Variants in ZDHHC21 observed in about 807,000 individuals in gnomAD.
ZDHHC21 encodes zDHHC palmitoyltransferase 21.
A neutral mutation model predicts 34.6 loss-of-function variants in ZDHHC21; 15 were observed. The observed-to-expected ratio is 0.43, with a 90% CI of 0.29 to 0.67. The LOEUF (loss-of-function observed/expected upper bound fraction) is 0.67. Ranked by LOEUF, ZDHHC21 falls within the 30% of genes least tolerant of loss-of-function variation. ZDHHC21 has a pLI of 0.14. For synonymous variants in ZDHHC21, 142 were observed against 101.8 expected (o/e 1.40, Z -2.38); for missense variants, 344 against 327.7 (o/e 1.05, Z -0.38).
chr9:14,660,589 A>T (rs1833208663), intron 6 of ZDHHC21, among the ~76,000 whole-genome samples: 1 of 152,102 alleles, frequency 6.6e-6, no homozygotes. Context: ...TTCAATGATA[A>T]AAATTCCTGA....
Position 14,665,250 on chromosome 9 carries a change from A to G in ZDHHC21, c.254-2924T>C, listed in dbSNP as rs538731640. Reference sequence around the variant, plus strand: ...ATCAACTGGAAGAAAGGGTATCAGCAATGGAAGATGAAATGAATGAAATGA... The same window carrying G: ...ATCAACTGGAAGAAAGGGTATCAGCGATGGAAGATGAAATGAATGAAATGA... On this transcript the variant is annotated intron_variant, in intron 5 of 9. Transcript: ENST00000380916. Among the ~76,000 whole-genome samples the G allele has an allele frequency of 7.8e-4, 93 of 119,896 alleles. 2 individuals are homozygous for G. Among genetic ancestry groups the G allele is most frequent in the African/African-American group, 1.2e-3 (39 of 32,282 alleles). 78.7% of individuals were successfully genotyped at this position (119,896 alleles called of 152,430 possible). A position where few individuals can be genotyped will look rare whatever the true frequency, so the allele number is the denominator to read the frequency against.
rs75077920 is a variant in ZDHHC21 at position 14,655,061 on chromosome 9, T to C, written c.504+3688A>G. 5.4e-3 allele frequency among the ~76,000 whole-genome samples: 822 copies of C among 152,030 alleles called. 7 individuals are homozygous for C. Among genetic ancestry groups the C allele is most frequent in the African/African-American group, 0.018 (768 of 41,522 alleles). ...AAGAAAACAATACCAAAGCACATCATAGAATCACAGAATAATTGCTAAAAT... is the reference window on the plus strand; with the variant it reads ...AAGAAAACAATACCAAAGCACATCACAGAATCACAGAATAATTGCTAAAAT... On this transcript the variant is annotated intron_variant, in intron 7 of 9. Coordinates refer to ENST00000380916, the MANE Select transcript of ZDHHC21 (RefSeq NM_178566.6).
chr9:14,653,839 C>T (rs1312770545), intron 7 of ZDHHC21, among the ~76,000 whole-genome samples: 4 of 151,950 alleles, frequency 2.6e-5, no homozygotes, highest in Admixed American at 1.3e-4. Flanking sequence ...TATGAGGAAA[C>T]AGTTCGTATG....
chr9:14,622,537 A>G, intron 8 of ZDHHC21: 1 of 985,316 alleles, frequency 1.0e-6, no homozygotes, highest in Non-Finnish European at 1.2e-6. Context: ...CCTGGTTAAC[A>G]GACCTGAGAA....
chr9:14,690,871 T>C (rs928588498), intron 1 of ZDHHC21, among the ~76,000 whole-genome samples: 1 of 152,220 alleles, frequency 6.6e-6, no homozygotes, highest in Non-Finnish European at 1.5e-5. Context: ...ATAAGAGTTA[T>C]TTAAGCACTG....
At chr9:14,641,236 TATTC>T (rs1429400825) in intron 7 of ZDHHC21, among the ~76,000 whole-genome samples, 4 of 152,132 alleles carry the variant, frequency 2.6e-5, no homozygotes, top group Admixed American at 2.0e-4. Context: ...CCACATTACT[TATTC>T]ATTAGCCTGG....
chr9:14,611,070 C>T (rs1293372726), downstream of ZDHHC21: 6 of 151,634 alleles, frequency 4.0e-5, no homozygotes, highest in Non-Finnish European at 8.8e-5. Context: ...AAAAACAGTC[C>T]TACGTTTTTA....
intron 5 of ZDHHC21, among the ~76,000 whole-genome samples, chr9:14,670,131 A>C (rs184803206): frequency 6.6e-6 from 1 of 152,158 alleles, no homozygotes; most frequent in East Asian, 1.9e-4. Flanking sequence ...AAGGCGATAT[A>C]AAAATTTGTT....
chr9:14,686,168 T>A (rs561093724), intron 2 of ZDHHC21, among the ~76,000 whole-genome samples: 1 of 151,734 alleles, frequency 6.6e-6, no homozygotes, highest in South Asian at 2.1e-4. Flanking sequence ...CAAACCTGCA[T>A]GTTGTGCACA....
chr9:14,617,240 CT>C lies in ZDHHC21; in HGVS notation c.*1725del, dbSNP rs1824366057. 6.6e-6 allele frequency: 1 copy of C among 151,980 alleles called. No individual in the cohort carries two copies. Among genetic ancestry groups the C allele is most frequent in the South Asian group, 2.1e-4 (1 of 4,822 alleles). The allele number at this position is 151,980 out of a possible 1,614,324, so 9.4% of individuals were successfully genotyped here. A position where few individuals can be genotyped will look rare whatever the true frequency, so the allele number is the denominator to read the frequency against. On this transcript the variant is annotated 3_prime_UTR_variant, in exon 10 of 10. Transcript: ENST00000380916. Reference sequence around the variant, plus strand: ...ACTAAGCTTTATAAATATATTTCTTCTATTTAATTTACTACGTCTCTTTTCA... The same window carrying C: ...ACTAAGCTTTATAAATATATTTCTTCATTTAATTTACTACGTCTCTTTTCA...
intron 8 of ZDHHC21, among the ~76,000 whole-genome samples, chr9:14,636,493 C>A (rs1247587589): frequency 6.6e-6 from 1 of 152,084 alleles, no homozygotes; most frequent in Non-Finnish European, 1.5e-5. Flanking sequence ...CAGCATTAGA[C>A]AGATCTAGTA....
chr9:14,617,490 A>G lies in ZDHHC21; in HGVS notation c.*1476T>C, dbSNP rs1213374741. 1 of 151,994 alleles carries G rather than the reference A, an allele frequency of 6.6e-6. No homozygotes were observed. The highest frequency in any genetic ancestry group is 1.5e-5 in the Non-Finnish European group (1 of 67,926). The allele number at this position is 151,994 out of a possible 1,614,324, so 9.4% of individuals were successfully genotyped here. ...GTAACCTTCTGTTTAATTATTTCCC[A>G]GGTATTGTTCCTTACTTTCAAAACT... On this transcript the variant is annotated 3_prime_UTR_variant, in exon 10 of 10. Transcript: ENST00000380916.
At chr9:14,682,644 C>A (rs992150319) in intron 2 of ZDHHC21, among the ~76,000 whole-genome samples, 9 of 152,170 alleles carry the variant, frequency 5.9e-5, no homozygotes, top group Non-Finnish European at 1.0e-4. Context: ...AGGAAGTTAA[C>A]AAGGATATCC....
chr9:14,673,246 T>C (rs896983805), intron 4 of ZDHHC21, among the ~76,000 whole-genome samples: 1 of 151,954 alleles, frequency 6.6e-6, no homozygotes, highest in Non-Finnish European at 1.5e-5. Flanking sequence ...TCCCGTTTAA[T>C]TACTGCATGT....
At chr9:14,666,391 T>A (rs1483883518) in intron 5 of ZDHHC21, among the ~76,000 whole-genome samples, 4 of 120,428 alleles carry the variant, frequency 3.3e-5, no homozygotes, top group Admixed American at 8.3e-5. Context: ...CTCCCACACA[T>A]TAATAATGGG....
rs531710682 is a variant in ZDHHC21, at chr9:14,635,002, C to G, written c.621+4894G>C. Among the ~76,000 whole-genome samples the G allele has an allele frequency of 1.3e-5, 2 of 151,798 alleles. 1 individual carries two copies. The highest frequency in any genetic ancestry group is 4.2e-4 in the South Asian group (2 of 4,802). On this transcript the variant is annotated intron_variant, in intron 8 of 9. Coordinates refer to ENST00000380916, the MANE Select transcript of ZDHHC21 (RefSeq NM_178566.6). ...CTAAACAAATACAAATAAAAAAGAA[C>G]CAAACAAACTGAAGAATTCATTAAA...
In ZDHHC21 at chr9:14,645,083, T is replaced by C. The variant is rs560285054; in HGVS notation, c.505-5071A>G. 5.3e-5 allele frequency among the ~76,000 whole-genome samples: 8 copies of C among 152,244 alleles called. No homozygotes were observed. The East Asian group carries it at 7.7e-4, about 15-fold the overall frequency. ...TGGTTTGTGGCTCTACACAATCTTA[T>C]CTGACAAAATCTTTTTTCTTAGTAT... On this transcript the variant is annotated intron_variant, in intron 7 of 9. Transcript: ENST00000380916.
intron 8 of ZDHHC21, among the ~76,000 whole-genome samples, chr9:14,629,262 G>A (rs1266058946): frequency 6.6e-6 from 1 of 152,146 alleles, no homozygotes; most frequent in Non-Finnish European, 1.5e-5. Context: ...TTCAACAAAT[G>A]TGGTTTCCAC....
chr9:14,602,082 C>A, the ZDHHC21 span, among the ~76,000 whole-genome samples: 1 of 151,858 alleles, frequency 6.6e-6, no homozygotes, highest in Non-Finnish European at 1.5e-5. Flanking sequence ...ACCACCATGG[C>A]AAGTGTATAT....
Sources: gnomAD v4.1 joint callset for allele counts (sites outside exome capture counted in the v4.1 genomes callset) on GRCh38, gnomAD v4.1.1 for gene constraint, MANE v1.5 for transcripts, NCBI Gene and HGNC (gene_info 2026-07-23, HGNC 2026-07-21) for gene names.